The following SLC45A4 variants were observed in gnomAD, a reference collection of about 807,000 sequenced individuals.
SLC45A4 encodes the protein polyamine-transporter SLC45A4.
SLC45A4 carries 32 observed loss-of-function variants against 63.7 expected under a neutral mutation model. That is an observed-to-expected ratio of 0.50 (90% CI 0.38 to 0.67). The LOEUF is 0.67. Ranked by LOEUF, SLC45A4 falls within the 30% of genes least tolerant of loss-of-function variation. SLC45A4 has a pLI of 0.00. For missense variants in SLC45A4, 1,027 were observed against 1,157.7 expected (o/e 0.89, Z 1.64); for synonymous variants, 535 against 510.0 (o/e 1.05, Z -0.66).
At chr8:141,276,948 G>C (rs893521447) in intron 1 of SLC45A4, among the ~76,000 whole-genome samples, 5 of 152,106 alleles carry the variant, frequency 3.3e-5, no homozygotes, top group Admixed American at 2.0e-4. Context: ...ACGTCCCCCC[G>C]GCCTAAGCAC....
At position 141,280,591 on chromosome 8, in the gene SLC45A4, T is replaced by A. The variant is rs558647826; in HGVS notation, c.-400-25962A>T. ...GCAGTGGGTCACTCGGGGCCCCTGC[T>A]ATCAGCAATCCCAGGTTGAGACTCC... On this transcript the variant is annotated intron_variant, in intron 1 of 8. Transcript: ENST00000517878. Among the ~76,000 whole-genome samples the A allele has an allele frequency of 1.6e-4, 25 of 152,278 alleles. No homozygotes were observed. The East Asian group carries it at 4.6e-3, about 28-fold the overall frequency.
intron 1 of SLC45A4, among the ~76,000 whole-genome samples, chr8:141,303,730 T>C (rs1436515368): frequency 6.6e-6 from 1 of 152,182 alleles, no homozygotes; most frequent in Non-Finnish European, 1.5e-5. Context: ...GACTTTTCAA[T>C]GCAGCAAATT....
chr8:141,267,256 C>T (rs1455292573), intron 1 of SLC45A4, among the ~76,000 whole-genome samples: 1 of 152,264 alleles, frequency 6.6e-6, no homozygotes, highest in Non-Finnish European at 1.5e-5. Context: ...GGCAGCAGCT[C>T]TGGGAAGCCG....
chr8:141,278,527 C>T lies in SLC45A4; in HGVS notation c.-400-23898G>A, dbSNP rs1199304344. 1.3e-5 allele frequency among the ~76,000 whole-genome samples: 2 copies of T among 150,816 alleles called. No homozygotes were observed. The highest frequency in any genetic ancestry group is 3.0e-5 in the Non-Finnish European group (2 of 67,766). On this transcript the variant is annotated intron_variant, in intron 1 of 8. Transcript: ENST00000517878. This position sits in a 1 kb window ranked among gnomAD's most constrained non-coding sequence, Gnocchi z 4.1. The stretch of plus-strand genomic sequence containing the variant: ...GGAGGCGGGGCGGGCGGCCGACCCA[C>T]GAGGACACTGGTGAGACAGGGGTGA...
Position 141,212,461 on chromosome 8 carries a change from G to A in SLC45A4, c.2037C>T (p.Ala679=), listed in dbSNP as rs769953358. ...CQVYISQILV[A]SALGGVVDAV... ...CGTCGACCACGCCCCCAAGGGCAGA[G>A]GCCACCAGGATCTGCGAGATGTACA... The change falls in exon 8 of 9, where the codon GCC becomes GCT. Residue 679 remains alanine, a synonymous_variant. Coordinates refer to ENST00000517878, the MANE Select transcript of SLC45A4 (RefSeq NM_001286646.2). 6.2e-7 allele frequency: 1 copy of A among 1,613,912 alleles called. No homozygotes were observed. The highest frequency in any genetic ancestry group is 2.2e-5 in the East Asian group (1 of 44,876).
At position 141,229,790 on chromosome 8, in the gene SLC45A4, C is replaced by T. The variant is rs756110733; in HGVS notation, c.242-8025G>A. ...CACAAGGCCTCCAAGCAGAAATGCTCGGCTCTGAGCTTGCAGCCCACCCCA... is the reference window on the plus strand; with the variant it reads ...CACAAGGCCTCCAAGCAGAAATGCTTGGCTCTGAGCTTGCAGCCCACCCCA... On this transcript the variant is annotated intron_variant, in intron 2 of 8. Coordinates refer to ENST00000517878, the MANE Select transcript of SLC45A4 (RefSeq NM_001286646.2). The surrounding 1 kb of genome is among the most constrained non-coding windows in gnomAD (Gnocchi z 5.0). Among the ~76,000 whole-genome samples, 17 of 152,128 alleles carry T rather than the reference C, an allele frequency of 1.1e-4. No homozygotes were observed. The highest frequency in any genetic ancestry group is 2.4e-4 in the Non-Finnish European group (16 of 68,018).
chr8:141,217,290 A>AT, intron 5 of SLC45A4, 101 bp from the exon 6 acceptor site: 1 of 1,256,266 alleles, frequency 8.0e-7, no homozygotes, highest in Non-Finnish European at 1.1e-6. Context: ...GCTCATTCTA[A>AT]GAGCGGTGAC....
rs2154613912 is a variant in SLC45A4, at chr8:141,211,068, C to T, written c.*504G>A. ...AGGCGAGGAAGGCATGGAGTTCCGA[C>T]AGGTTCCAGCACGCATGTCCCCTTC... On this transcript the variant is annotated 3_prime_UTR_variant, in exon 9 of 9. Transcript: ENST00000517878. The T allele has an allele frequency of 5.5e-6, 1 of 181,212 alleles. No homozygotes were observed. Among genetic ancestry groups the T allele is most frequent in the African/African-American group, 2.3e-5 (1 of 42,800 alleles). 11.2% of individuals were successfully genotyped at this position (181,212 alleles called of 1,614,324 possible). A position where few individuals can be genotyped will look rare whatever the true frequency, so the allele number is the denominator to read the frequency against.
At chr8:141,269,440 G>A (rs1050977642) in intron 1 of SLC45A4, among the ~76,000 whole-genome samples, 1 of 151,156 alleles carries the variant, frequency 6.6e-6, no homozygotes, top group African/African-American at 2.5e-5. Context: ...CCAGGTGTAT[G>A]TGTGTCGATG....
chr8:141,245,107 G>A (rs557571897), intron 2 of SLC45A4, among the ~76,000 whole-genome samples: 2 of 152,162 alleles, frequency 1.3e-5, no homozygotes, highest in Non-Finnish European at 2.9e-5. Context: ...ACGAACCCAA[G>A]TGGAGAAAAA....
At chr8:141,300,923 G>A (rs1006514122) in intron 1 of SLC45A4, among the ~76,000 whole-genome samples, 2 of 152,236 alleles carry the variant, frequency 1.3e-5, no homozygotes, top group African/African-American at 4.8e-5. Context: ...ACGAAGTGGC[G>A]TGGACCTTAC....
At chr8:141,285,266 A>G (rs918656431) in intron 1 of SLC45A4, among the ~76,000 whole-genome samples, 1 of 152,244 alleles carries the variant, frequency 6.6e-6, no homozygotes, top group Admixed American at 6.5e-5. Context: ...CCCAGCGGCC[A>G]TCCTCGGGTC....
chr8:141,214,914 C>G (rs1424517168), intron 7 of SLC45A4, among the ~76,000 whole-genome samples: 1 of 152,194 alleles, frequency 6.6e-6, no homozygotes, highest in East Asian at 1.9e-4. Flanking sequence ...CCACACTACT[C>G]CAAGGAGACT....
chr8:141,217,581 G>C (rs1039162988), intron 5 of SLC45A4, among the ~76,000 whole-genome samples: 1 of 152,222 alleles, frequency 6.6e-6, no homozygotes, highest in South Asian at 2.1e-4. Context: ...GCCCGAGCGT[G>C]TGCTGAGGGC....
intron 6 of SLC45A4, among the ~76,000 whole-genome samples, chr8:141,216,325 T>C (rs1029531201): frequency 4.6e-5 from 7 of 152,234 alleles, no homozygotes. Flanking sequence ...TTTCTTCTCC[T>C]GATGTGGGTA....
At chr8:141,213,533 G>A (rs1825960720) in intron 7 of SLC45A4, among the ~76,000 whole-genome samples, 1 of 152,224 alleles carries the variant, frequency 6.6e-6, no homozygotes, top group South Asian at 2.1e-4. Context: ...TCTTTTAAAA[G>A]AAAACCCAAC....
In SLC45A4 at chr8:141,233,797, ACCCGTTTTGCTGTGCTTTT is replaced by A. The variant is rs372882204; in HGVS notation, c.242-12051_242-12033del. Among the ~76,000 whole-genome samples, 94 of 152,300 alleles carry A rather than the reference ACCCGTTTTGCTGTGCTTTT, an allele frequency of 6.2e-4. No homozygotes were observed. In the East Asian group the frequency reaches 0.017, roughly 28 times the overall value. On this transcript the variant is annotated intron_variant, in intron 2 of 8. Coordinates refer to ENST00000517878, the MANE Select transcript of SLC45A4 (RefSeq NM_001286646.2). The stretch of plus-strand genomic sequence containing the variant: ...CTGGGAAACGGCTATGGAGCGTGGC[ACCCGTTTTGCTGTGCTTTT>A]CCCGTTTTGCTGGTGCAGGGCCTTG...
chr8:141,266,417 T>G (rs1278640159), intron 1 of SLC45A4, among the ~76,000 whole-genome samples: 4 of 152,038 alleles, frequency 2.6e-5, no homozygotes, highest in Non-Finnish European at 1.5e-5. Context: ...ACCACCACCA[T>G]CAGCCTCGGA....
chr8:141,282,924 G>A (rs557684619), intron 1 of SLC45A4, among the ~76,000 whole-genome samples: 11 of 152,344 alleles, frequency 7.2e-5, no homozygotes, highest in South Asian at 6.2e-4. Flanking sequence ...CGATGTCAGC[G>A]CGGCCTCGTG....
Sources: allele counts gnomAD v4.1 joint callset (sites outside exome capture counted in the v4.1 genomes callset), GRCh38; gene constraint gnomAD v4.1.1; non-coding constraint Gnocchi (gnomAD v3.1); transcripts MANE v1.5; gene names NCBI Gene and HGNC (gene_info 2026-07-23, HGNC 2026-07-21).